PCDHGA8: variants seen among roughly 807,000 people sequenced by gnomAD.
PCDHGA8 encodes protocadherin gamma-A8.
In PCDHGA8, 45 loss-of-function variants were observed where a neutral mutation model predicts 59.2. That is an observed-to-expected ratio of 0.76 (90% CI 0.60 to 0.98). The LOEUF is 0.98. Among genes scored for constraint, PCDHGA8 ranks in the 50% least tolerant of loss-of-function variants. The pLI, the probability that PCDHGA8 is intolerant of heterozygous loss-of-function variation, is 0.00. For missense variants in PCDHGA8, 1,257 were observed against 1,196.2 expected (o/e 1.05, Z -0.75); for synonymous variants, 531 against 519.0 (o/e 1.02, Z -0.32).
intron 1 of PCDHGA8, chr5:141,420,053 T>C (rs1178680836): frequency 3.1e-6 from 5 of 1,613,970 alleles, no homozygotes; most frequent in Non-Finnish European, 2.5e-6. Context: ...GTCAGTTCTC[T>C]GCTCCAAGTC....
Position 141,395,094 on chromosome 5 carries a change from G to T in PCDHGA8, c.2281G>T (p.Ala761Ser), listed in dbSNP as rs192995605. The change falls in exon 1 of 4, where the codon GCC (alanine) becomes TCC (serine). Residue 761 changes from alanine (A) to serine (S), a missense_variant. By Grantham distance (99) the Ala-to-Ser change is moderately conservative (BLOSUM62 1). Coordinates refer to ENST00000398604, the MANE Select transcript of PCDHGA8 (RefSeq NM_032088.2). The stretch of plus-strand genomic sequence containing the variant: ...CTATTCCCAGGAAGTCTCCCTCACC[G>T]CCGACTCGCGGAAGAGTCACCTGAT... ...QTYSQEVSLTADSRKSHLIFP... is the reference protein window; with the variant it reads ...QTYSQEVSLTSDSRKSHLIFP... 4 of 1,614,042 alleles carry T rather than the reference G, an allele frequency of 2.5e-6. No homozygotes were observed. The highest frequency in any genetic ancestry group is 3.4e-6 in the Non-Finnish European group (4 of 1,180,048).
At chr5:141,404,752 G>A (rs774409689) in intron 1 of PCDHGA8, 1 of 1,614,010 alleles carries the variant, frequency 6.2e-7, no homozygotes, top group Non-Finnish European at 8.5e-7. Context: ...ACTCAGGCCA[G>A]AATGCTTGGC....
chr5:141,445,034 A>T (rs963629240), intron 1 of PCDHGA8, among the ~76,000 whole-genome samples: 4 of 152,156 alleles, frequency 2.6e-5, no homozygotes, highest in Admixed American at 2.0e-4. Context: ...GCTATGTTGT[A>T]TAGTTTTCAG....
chr5:141,415,130 A>G (rs2095833213), intron 1 of PCDHGA8: 3 of 1,613,636 alleles, frequency 1.9e-6, no homozygotes, highest in South Asian at 1.1e-5. Flanking sequence ...GCCGTCCAGG[A>G]CCACGGCCAG....
rs2092708331 is a variant in PCDHGA8 at position 141,393,230 on chromosome 5, A to G, written c.417A>G (p.Glu139=). The G allele has an allele frequency of 6.2e-7, 1 of 1,613,764 alleles. No individual in the cohort carries two copies. Among genetic ancestry groups the G allele is most frequent in the Non-Finnish European group, 8.5e-7 (1 of 1,179,898 alleles). Reference sequence around the variant, plus strand: ...CAAAATTCCAGGTCGAAGATCTAGAAGTAAAAATTAACGAAATCGCGGTTC... The same window carrying G: ...CAAAATTCCAGGTCGAAGATCTAGAGGTAAAAATTAACGAAATCGCGGTTC... ...NNPKFQVEDL[E]VKINEIAVPG... Residue 139 remains glutamate (E), a synonymous_variant, in exon 1 of 4, where the codon GAA becomes GAG. Coordinates refer to ENST00000398604, the MANE Select transcript of PCDHGA8 (RefSeq NM_032088.2).
At position 141,400,963 on chromosome 5, in the gene PCDHGA8, ATC is replaced by A. The variant is rs563949563; in HGVS notation, c.2424+5730_2424+5731del. ...TTCACTGATTTCACTGGTAGTTTTC[ATC>A]TCTTTCTTATGTTCCTCATATATGC... is the stretch of plus-strand genomic sequence containing the variant. On this transcript the variant is annotated intron_variant, in intron 1 of 3. Coordinates refer to ENST00000398604, the MANE Select transcript of PCDHGA8 (RefSeq NM_032088.2). 3.8e-3 allele frequency among the ~76,000 whole-genome samples: 582 copies of A among 152,338 alleles called. 6 individuals carry two copies. Among genetic ancestry groups the A allele is most frequent in the Admixed American group, 0.011 (171 of 15,304 alleles).
chr5:141,501,509 C>T lies in PCDHGA8; in HGVS notation c.2484-3884C>T, dbSNP rs1046763108. 4.6e-5 allele frequency among the ~76,000 whole-genome samples: 7 copies of T among 152,080 alleles called. No individual in the cohort carries two copies. The South Asian group carries it at 6.2e-4, about 14-fold the overall frequency. On this transcript the variant is annotated intron_variant, in intron 2 of 3. Transcript: ENST00000398604. The stretch of plus-strand genomic sequence containing the variant: ...ATATCTGCTGCTGGGGCTCCAAGGC[C>T]TCCAAGCTGAAGCCCAGTACGTTGT...
intron 1 of PCDHGA8, chr5:141,478,592 TC>T: frequency 6.4e-7 from 1 of 1,570,334 alleles, no homozygotes; most frequent in Non-Finnish European, 8.6e-7. Flanking sequence ...GCTTTTTTAT[TC>T]CTACATCATA....
chr5:141,429,879 A>T (rs2097250861), intron 1 of PCDHGA8, among the ~76,000 whole-genome samples: 1 of 152,210 alleles, frequency 6.6e-6, no homozygotes, highest in African/African-American at 2.4e-5. Context: ...TCTTTTACTA[A>T]GTTTCCTGAA....
chr5:141,430,276 G>C (rs2097271928), intron 1 of PCDHGA8, among the ~76,000 whole-genome samples: 1 of 151,720 alleles, frequency 6.6e-6, no homozygotes, highest in South Asian at 2.1e-4. Context: ...TGTGTTGGGG[G>C]AACAGTAATC....
chr5:141,393,455 C>T lies in PCDHGA8; in HGVS notation c.642C>T (p.Ala214=), dbSNP rs1007871650. 34 of 1,613,942 alleles carry T rather than the reference C, an allele frequency of 2.1e-5. No individual in the cohort carries two copies. The highest frequency in any genetic ancestry group is 2.9e-5 in the Non-Finnish European group (34 of 1,179,914). ...EEAAHHLVLT[A]SDGGKPPRSS... ...CTGCTCACCACCTGGTCCTCACGGC[C>T]TCGGATGGCGGCAAGCCGCCTCGCT... Residue 214 remains alanine, a synonymous_variant, in exon 1 of 4, where the codon GCC becomes GCT. Coordinates refer to ENST00000398604, the MANE Select transcript of PCDHGA8 (RefSeq NM_032088.2).
At chr5:141,421,616 AC>A in intron 1 of PCDHGA8, 1 of 1,613,792 alleles carries the variant, frequency 6.2e-7, no homozygotes, top group Non-Finnish European at 8.5e-7. Context: ...ATTAATGATA[AC>A]GCCCCCAGCT....
At chr5:141,419,261 G>C (rs758952830) in intron 1 of PCDHGA8, 16 of 1,613,982 alleles carry the variant, frequency 9.9e-6, no homozygotes, top group Non-Finnish European at 1.3e-5. Context: ...CAACCAGCCG[G>C]GTGCCTCCAT....
At chr5:141,443,498 C>G (rs1217918256) in intron 1 of PCDHGA8, among the ~76,000 whole-genome samples, 3 of 152,036 alleles carry the variant, frequency 2.0e-5, no homozygotes, top group Non-Finnish European at 4.4e-5. Context: ...AACAAACAAA[C>G]AAATAAAGAG....
In PCDHGA8 at chr5:141,414,189, G is replaced by C. The variant is rs1674006167; in HGVS notation, c.2424+18952G>C. ...CATATCTTGCAACTGCAAAAGTGTT[G>C]ATTACAGTAGAAGATGTAAATGACA... On this transcript the variant is annotated intron_variant, in intron 1 of 3. Transcript: ENST00000398604. 3.1e-6 allele frequency: 5 copies of C among 1,609,966 alleles called. No homozygotes were observed. The highest frequency in any genetic ancestry group is 3.4e-6 in the Non-Finnish European group (4 of 1,177,924).
chr5:141,446,558 T>G (rs1413501675), intron 1 of PCDHGA8, among the ~76,000 whole-genome samples: 3 of 151,788 alleles, frequency 2.0e-5, no homozygotes, highest in Non-Finnish European at 1.5e-5. Flanking sequence ...CTCACTGCAA[T>G]CTCTGCCTCC....
Position 141,403,170 on chromosome 5 carries a change from A to C in PCDHGA8, c.2424+7933A>C. On this transcript the variant is annotated intron_variant, in intron 1 of 3. Transcript: ENST00000398604. ...CGCATCGTCTCTAGAGGTAGGACGC[A>C]GCTTTTCTCTCTGAACCCGCGCAGC... is the stretch of plus-strand genomic sequence containing the variant. 1 of 1,614,048 alleles carries C rather than the reference A, an allele frequency of 6.2e-7. No homozygotes were observed. Among genetic ancestry groups the C allele is most frequent in the East Asian group, 2.2e-5 (1 of 44,886 alleles).
Position 141,394,591 on chromosome 5 carries a change from C to A in PCDHGA8, c.1778C>A (p.Ala593Glu). The A allele has an allele frequency of 1.2e-6, 2 of 1,613,762 alleles. No individual in the cohort carries two copies. The highest frequency in any genetic ancestry group is 1.7e-6 in the Non-Finnish European group (2 of 1,180,028). ...ERGYLVTKVV[A>E]VDRDSGQNAW... Reference sequence around the variant, plus strand: ...GGCTACCTGGTGACCAAGGTGGTGGCGGTGGACAGAGACTCGGGCCAGAAC... The same window carrying A: ...GGCTACCTGGTGACCAAGGTGGTGGAGGTGGACAGAGACTCGGGCCAGAAC... Residue 593 changes from alanine (A) to glutamate (E), a missense_variant, in exon 1 of 4, where the codon GCG (alanine) becomes GAG (glutamate). Coordinates refer to ENST00000398604, the MANE Select transcript of PCDHGA8 (RefSeq NM_032088.2).
intron 1 of PCDHGA8, chr5:141,400,051 G>A (rs1253013919): frequency 6.2e-7 from 1 of 1,613,762 alleles, no homozygotes; most frequent in East Asian, 2.2e-5. Flanking sequence ...GCTGGTTGCT[G>A]TGCGTGATGG....
Sources: gnomAD v4.1 joint callset for allele counts (sites outside exome capture counted in the v4.1 genomes callset) on GRCh38, gnomAD v4.1.1 for gene constraint, MANE v1.5 for transcripts, NCBI Gene and HGNC (gene_info 2026-07-23, HGNC 2026-07-21) for gene names.